TOM1L2: variants seen among roughly 807,000 people sequenced by gnomAD.
TOM1L2 encodes the protein TOM1-like protein 2.
Under a neutral mutation model 67.9 loss-of-function variants are expected in TOM1L2, and 31 were observed. The ratio of observed to expected loss-of-function variants is 0.46; its 90% CI spans 0.34 to 0.62. TOM1L2 has a LOEUF of 0.62. Ranked by LOEUF, TOM1L2 falls within the 20% of genes least tolerant of loss-of-function variation. TOM1L2 has a pLI of 0.01. For synonymous variants in TOM1L2, 256 were observed against 254.0 expected (o/e 1.01, Z -0.07); for missense variants, 606 against 663.5 (o/e 0.91, Z 0.95).
rs1227404775 is a variant in TOM1L2 at position 17,844,516 on chromosome 17, G to A, written c.*3119C>T. The stretch of plus-strand genomic sequence containing the variant: ...TAGAAAGACAGGAGGACAGACGGAT[G>A]GTCACCTTTCCCTCTAGCCCAGGCC... On this transcript the variant is annotated 3_prime_UTR_variant, in exon 15 of 15. Coordinates refer to ENST00000379504, the MANE Select transcript of TOM1L2 (RefSeq NM_001082968.2). 1 of 152,356 alleles carries A rather than the reference G, an allele frequency of 6.6e-6. No individual in the cohort carries two copies. The highest frequency in any genetic ancestry group is 1.5e-5 in the Non-Finnish European group (1 of 68,096). 9.4% of individuals were successfully genotyped at this position (152,356 alleles called of 1,614,324 possible). A position where few individuals can be genotyped will look rare whatever the true frequency, so the allele number is the denominator to read the frequency against.
chr17:17,889,924 G>T (rs2038189045), intron 4 of TOM1L2, among the ~76,000 whole-genome samples: 1 of 152,062 alleles, frequency 6.6e-6, no homozygotes. Flanking sequence ...TTACCGCTCT[G>T]GCACCCCACA....
At chr17:17,851,443 G>A (rs778678639) in intron 12 of TOM1L2, 29 of 187,580 alleles carry the variant, frequency 1.5e-4, no homozygotes, top group Admixed American at 2.8e-4. Flanking sequence ...CACCAGCCCC[G>A]GGGGGATGCA....
chr17:17,873,629 A>G (rs1000404444), intron 7 of TOM1L2, among the ~76,000 whole-genome samples: 1 of 152,232 alleles, frequency 6.6e-6, no homozygotes, highest in East Asian at 1.9e-4. Flanking sequence ...GGAAGGGAGC[A>G]GGGGTTGATG....
chr17:17,875,934 G>A (rs57964957), intron 7 of TOM1L2, among the ~76,000 whole-genome samples: 3 of 152,376 alleles, frequency 2.0e-5, no homozygotes, highest in African/African-American at 7.2e-5. Context: ...TGGCCGTTCT[G>A]TCTTTGTTGA....
At chr17:17,937,008 G>A (rs1445076740) in intron 1 of TOM1L2, among the ~76,000 whole-genome samples, 3 of 152,122 alleles carry the variant, frequency 2.0e-5, no homozygotes, top group African/African-American at 4.8e-5. Flanking sequence ...GTACCCTGCC[G>A]TGCTGACCTC....
intron 11 of TOM1L2, chr17:17,862,435 A>C (rs1449874548): frequency 1.1e-5 from 3 of 269,574 alleles, no homozygotes; most frequent in Admixed American, 1.0e-4. Context: ...TGTCTGCAGC[A>C]GCAGCAGCAT....
At chr17:17,915,777 C>A (rs906202698) in intron 1 of TOM1L2, among the ~76,000 whole-genome samples, 5 of 151,992 alleles carry the variant, frequency 3.3e-5, no homozygotes, top group African/African-American at 1.2e-4. Context: ...TTGCCTTGGC[C>A]CCCCAAAGTA....
chr17:17,878,755 C>T (rs1437323724), intron 7 of TOM1L2, among the ~76,000 whole-genome samples: 1 of 152,234 alleles, frequency 6.6e-6, no homozygotes, highest in East Asian at 1.9e-4. Context: ...CATCTTGCCT[C>T]CCATTGAAAA....
At chr17:17,898,721 G>A (rs1345738235) in intron 2 of TOM1L2, 47 bp from the exon 3 acceptor site, 3 of 1,592,480 alleles carry the variant, frequency 1.9e-6, no homozygotes, top group Non-Finnish European at 2.6e-6. Context: ...TCCCACTTGA[G>A]GACACGATCC....
intron 1 of TOM1L2, among the ~76,000 whole-genome samples, chr17:17,913,775 G>A (rs957245555): frequency 6.6e-6 from 1 of 152,198 alleles, no homozygotes; most frequent in Non-Finnish European, 1.5e-5. Context: ...ATCATAAGAG[G>A]AAAGGAAAGG....
At chr17:17,941,694 A>G (rs183183660) in intron 1 of TOM1L2, among the ~76,000 whole-genome samples, 1 of 152,286 alleles carries the variant, frequency 6.6e-6, no homozygotes, top group Admixed American at 6.5e-5. Context: ...TGCCACATTT[A>G]TTATCTTCCA....
Position 17,908,548 on chromosome 17 carries a change from T to C in TOM1L2, c.53-1017A>G, listed in dbSNP as rs150992296. Among the ~76,000 whole-genome samples the C allele has an allele frequency of 2.5e-4, 38 of 151,916 alleles. 1 individual carries two copies. The East Asian group carries it at 6.2e-3, about 25-fold the overall frequency. On this transcript the variant is annotated intron_variant, in intron 1 of 14. Coordinates refer to ENST00000379504, the MANE Select transcript of TOM1L2 (RefSeq NM_001082968.2). ...GCAAAATTATATATATGATAAGGGG[T>C]TAATATCCAGACTACGTAAAGAACT... is the stretch of plus-strand genomic sequence containing the variant.
intron 6 of TOM1L2, among the ~76,000 whole-genome samples, chr17:17,880,538 C>A (rs1311208641): frequency 6.6e-6 from 1 of 152,182 alleles, no homozygotes; most frequent in East Asian, 1.9e-4. Context: ...ACCTTCCTTG[C>A]CCACAGTGAA....
intron 1 of TOM1L2, among the ~76,000 whole-genome samples, chr17:17,914,084 G>C (rs1223018448): frequency 5.3e-5 from 8 of 152,216 alleles, no homozygotes; most frequent in Non-Finnish European, 8.8e-5. Flanking sequence ...GGAGGCTGCT[G>C]GATTTATGGC....
chr17:17,961,622 C>A (rs1331658193), intron 1 of TOM1L2, among the ~76,000 whole-genome samples: 2 of 151,966 alleles, frequency 1.3e-5, no homozygotes, highest in East Asian at 3.9e-4. Context: ...ACCTGTAATC[C>A]CAGCACTTTG....
At chr17:17,862,602 CAGCCATG>C in intron 11 of TOM1L2, 122 bp downstream of exon 11, 1 of 765,136 alleles carries the variant, frequency 1.3e-6, no homozygotes, top group Non-Finnish European at 2.2e-6. Flanking sequence ...CAAGTCCTTA[CAGCCATG>C]CTTTAAAGTT....
chr17:17,955,084 T>A (rs1186469938), intron 1 of TOM1L2, among the ~76,000 whole-genome samples: 1 of 152,192 alleles, frequency 6.6e-6, no homozygotes, highest in Non-Finnish European at 1.5e-5. Context: ...CAAGTGACAT[T>A]TTCGGGTGTC....
chr17:17,884,709 C>T lies in TOM1L2; in HGVS notation c.426G>A (p.Glu142=). 1.9e-6 allele frequency: 3 copies of T among 1,614,032 alleles called. No homozygotes were observed. The Middle Eastern group carries it at 5.1e-4, about 272-fold the overall frequency. ...PDLTGVVHIY[E]ELKRKGVEFP... is the part of the protein sequence containing the mutation. The stretch of plus-strand genomic sequence containing the variant: ...ATTCAACCCCTTTCCTCTTCAGCTC[C>T]TCATATATGTGCACAACGCCGGTGA... The change falls in exon 5 of 15, where the codon GAG becomes GAA. Residue 142 remains glutamate, a synonymous_variant. Coordinates refer to ENST00000379504, the MANE Select transcript of TOM1L2 (RefSeq NM_001082968.2).
intron 1 of TOM1L2, among the ~76,000 whole-genome samples, chr17:17,927,597 G>C (rs1318240675): frequency 6.6e-6 from 1 of 151,738 alleles, no homozygotes; most frequent in Non-Finnish European, 1.5e-5. Context: ...TGGATGACTA[G>C]ATATTTTATG....
Sources: allele counts gnomAD v4.1 joint callset (sites outside exome capture counted in the v4.1 genomes callset), GRCh38; gene constraint gnomAD v4.1.1; transcripts MANE v1.5; gene names NCBI Gene and HGNC (gene_info 2026-07-23, HGNC 2026-07-21).